CMTM7: variants seen among roughly 807,000 people sequenced by gnomAD.
CMTM7 encodes CKLF like MARVEL transmembrane domain containing 7.
Under a neutral mutation model 19.3 loss-of-function variants are expected in CMTM7, and 7 were observed. That is an observed-to-expected ratio of 0.36 (90% CI 0.21 to 0.68). The LOEUF (loss-of-function observed/expected upper bound fraction) is 0.68. Ranked by LOEUF, CMTM7 falls within the 30% of genes least tolerant of loss-of-function variation. The pLI, the probability that CMTM7 is intolerant of heterozygous loss-of-function variation, is 0.60. For synonymous variants in CMTM7, 87 were observed against 99.3 expected (o/e 0.88, Z 0.74); for missense variants, 193 against 232.6 (o/e 0.83, Z 1.11).
rs78853966 is a variant in CMTM7, at chr3:32,411,874, T to C, written c.159+19809T>C. Among the ~76,000 whole-genome samples, 1,278 of 151,102 alleles carry C rather than the reference T, an allele frequency of 8.5e-3. 14 individuals carry two copies. Among genetic ancestry groups the C allele is most frequent in the African/African-American group, 0.029 (1,192 of 41,092 alleles). Reference sequence around the variant, plus strand: ...CAGGCGGATCATTTGAGGTCAGGAGTTCGAACGAAGCTCCAGGCTGAGACC... The same window carrying C: ...CAGGCGGATCATTTGAGGTCAGGAGCTCGAACGAAGCTCCAGGCTGAGACC... On this transcript the variant is annotated intron_variant, in intron 1 of 4. Transcript: ENST00000334983.
At chr3:32,395,290 A>G (rs1695899142) in intron 1 of CMTM7, among the ~76,000 whole-genome samples, 1 of 152,246 alleles carries the variant, frequency 6.6e-6, no homozygotes, top group Non-Finnish European at 1.5e-5. Flanking sequence ...CAGGTGAGCC[A>G]CTGCGCCTGC....
At chr3:32,402,448 C>A (rs1696024701) in intron 1 of CMTM7, among the ~76,000 whole-genome samples, 1 of 152,072 alleles carries the variant, frequency 6.6e-6, no homozygotes, top group Non-Finnish European at 1.5e-5. Context: ...CGATTGATAA[C>A]CAGAGAGGCG....
At chr3:32,414,333 G>A (rs1315116430) in intron 1 of CMTM7, among the ~76,000 whole-genome samples, 6 of 152,162 alleles carry the variant, frequency 3.9e-5, no homozygotes, top group African/African-American at 9.7e-5. Flanking sequence ...TCAGCACTGC[G>A]TTCACAGCTT....
chr3:32,400,606 T>TG (rs1189411690), intron 1 of CMTM7, among the ~76,000 whole-genome samples: 1 of 151,740 alleles, frequency 6.6e-6, no homozygotes, highest in African/African-American at 2.4e-5. Flanking sequence ...TTAGCCAGGA[T>TG]GGTCTTAATC....
intron 4 of CMTM7, among the ~76,000 whole-genome samples, chr3:32,453,367 T>A (rs7627751): frequency 0.016 from 2,462 of 152,240 alleles, 67 homozygotes; most frequent in African/African-American, 0.054. Context: ...TCTCTGAAAA[T>A]ATATATATCT....
chr3:32,422,135 A>G (rs1696353515), intron 1 of CMTM7, among the ~76,000 whole-genome samples: 1 of 152,240 alleles, frequency 6.6e-6, no homozygotes, highest in African/African-American at 2.4e-5. Context: ...GCACAACGTG[A>G]TGATCACACG....
chr3:32,402,219 C>T (rs916241332), intron 1 of CMTM7, among the ~76,000 whole-genome samples: 8 of 151,934 alleles, frequency 5.3e-5, no homozygotes, highest in African/African-American at 1.9e-4. Flanking sequence ...TAAAATGATT[C>T]TCCTACCTCA....
At chr3:32,433,907 G>A (rs143366730) in intron 1 of CMTM7, among the ~76,000 whole-genome samples, 1 of 152,252 alleles carries the variant, frequency 6.6e-6, no homozygotes, top group East Asian at 1.9e-4. Context: ...TAAATCCCAG[G>A]CTGGGCGCAG....
chr3:32,403,530 ATG>A (rs2125621271), intron 1 of CMTM7, among the ~76,000 whole-genome samples: 1 of 152,138 alleles, frequency 6.6e-6, no homozygotes, highest in South Asian at 2.1e-4. Flanking sequence ...TGTTTTTTAT[ATG>A]TGTTACCTTG....
chr3:32,441,111 C>T lies in CMTM7; in HGVS notation c.160-729C>T, dbSNP rs557739149. Among the ~76,000 whole-genome samples the T allele has an allele frequency of 2.6e-4, 40 of 152,214 alleles. 1 individual carries two copies. The highest frequency in any genetic ancestry group is 5.9e-4 in the Admixed American group (9 of 15,286). On this transcript the variant is annotated intron_variant, in intron 1 of 4. Coordinates refer to ENST00000334983, the MANE Select transcript of CMTM7 (RefSeq NM_138410.4). ...TTGAGAACCCGTCCACCTTTCTCGG[C>T]TTGTTATGATCAGAGCTTACACTTT...
intron 1 of CMTM7, among the ~76,000 whole-genome samples, chr3:32,423,575 T>C (rs1016664853): frequency 2.0e-4 from 30 of 152,316 alleles, no homozygotes; most frequent in Admixed American, 1.8e-3. Flanking sequence ...TTCATTGACC[T>C]GAAGCAGAGC....
At chr3:32,446,259 C>T (rs1159557283) in intron 2 of CMTM7, among the ~76,000 whole-genome samples, 1 of 152,062 alleles carries the variant, frequency 6.6e-6, no homozygotes, top group African/African-American at 2.4e-5. Context: ...AGGAATTTGT[C>T]CATTTCATCT....
intron 1 of CMTM7, among the ~76,000 whole-genome samples, chr3:32,393,452 C>A (rs1216733113): frequency 6.6e-6 from 1 of 152,108 alleles, no homozygotes; most frequent in Non-Finnish European, 1.5e-5. Context: ...CCTACCTGAG[C>A]ATTGGAAGGG....
chr3:32,440,454 A>C (rs1222866803), intron 1 of CMTM7, among the ~76,000 whole-genome samples: 1 of 152,024 alleles, frequency 6.6e-6, no homozygotes, highest in African/African-American at 2.4e-5. Flanking sequence ...TGTATAAAAT[A>C]ATCTTTTTTC....
In CMTM7 at chr3:32,404,162, C is replaced by CTTTTTTTTTTTT. The variant is rs5847761; in HGVS notation, c.159+12101_159+12112dup. 3.3e-4 allele frequency among the ~76,000 whole-genome samples: 25 copies of CTTTTTTTTTTTT among 74,692 alleles called. 1 individual carries two copies. The highest frequency in any genetic ancestry group is 9.1e-4 in the African/African-American group (23 of 25,180). The allele number at this position is 74,692 out of a possible 152,430, so 49.0% of individuals were successfully genotyped here. On this transcript the variant is annotated intron_variant, in intron 1 of 4. Transcript: ENST00000334983. ...TCTTTCTTTTTTTTTCTTTTTTTTT[C>CTTTTTTTTTTTT]TTTTTTTTTTTTTTTGGAGACAGAG...
At chr3:32,415,089 C>T (rs190330684) in intron 1 of CMTM7, among the ~76,000 whole-genome samples, 1 of 152,154 alleles carries the variant, frequency 6.6e-6, no homozygotes, top group East Asian at 1.9e-4. Flanking sequence ...GTTCAAAACG[C>T]AGATTCCTGG....
intron 1 of CMTM7, among the ~76,000 whole-genome samples, chr3:32,427,916 C>CTT (rs1559409351): frequency 6.6e-6 from 1 of 152,198 alleles, no homozygotes; most frequent in Non-Finnish European, 1.5e-5. Flanking sequence ...AGATCAAACT[C>CTT]TTAAGTGTCT....
rs1320534588 is a variant in CMTM7, at chr3:32,449,794, A to G, written c.432+242A>G. On this transcript the variant is annotated intron_variant, in intron 3 of 4. Transcript: ENST00000334983. The surrounding 1 kb of genome is among the most constrained non-coding windows in gnomAD (Gnocchi z 4.5). ...CCAGCAGCCCAGGCCTCTCTCTCTT[A>G]CAGGCACTACTGAAATCAGGGGGCC... 1.3e-5 allele frequency among the ~76,000 whole-genome samples: 2 copies of G among 152,152 alleles called. No homozygotes were observed. The highest frequency in any genetic ancestry group is 4.8e-5 in the African/African-American group (2 of 41,428).
intron 1 of CMTM7, among the ~76,000 whole-genome samples, chr3:32,433,846 G>A (rs1240670677): frequency 1.3e-5 from 2 of 152,084 alleles, no homozygotes; most frequent in African/African-American, 2.4e-5. Flanking sequence ...TTGACTGATT[G>A]GATACAATCA....
Sources: gnomAD v4.1 joint callset for allele counts (sites outside exome capture counted in the v4.1 genomes callset) on GRCh38, gnomAD v4.1.1 for gene constraint, Gnocchi (gnomAD v3.1) non-coding constraint, MANE v1.5 for transcripts, NCBI Gene and HGNC (gene_info 2026-07-23, HGNC 2026-07-21) for gene names.